The following ARHGAP10 variants were observed in gnomAD, a reference collection of about 807,000 sequenced individuals.
ARHGAP10 encodes the protein Rho GTPase activating protein 10.
ARHGAP10 carries 87 observed loss-of-function variants against 108.6 expected under a neutral mutation model. The ratio of observed to expected loss-of-function variants is 0.80; its 90% CI spans 0.67 to 0.96. The LOEUF is 0.96. ARHGAP10 is among the 40% of genes least tolerant of loss of function. The pLI, the probability that ARHGAP10 is intolerant of heterozygous loss-of-function variation, is 0.00. For synonymous variants in ARHGAP10, 347 were observed against 341.1 expected, an observed-to-expected ratio of 1.02 and a Z score of -0.19; for missense variants, 939 against 954.5, an observed-to-expected ratio of 0.98 and a Z score of 0.21.
In ARHGAP10 at chr4:148,072,216, A is replaced by T; in HGVS notation, c.*135A>T. 1.0e-4 allele frequency: 41 copies of T among 399,348 alleles called. No individual in the cohort carries two copies. Among genetic ancestry groups the T allele is most frequent in the East Asian group, 3.9e-4 (6 of 15,244 alleles). The allele number at this position is 399,348 out of a possible 1,614,324, so 24.7% of individuals were successfully genotyped here. ...CTTGGGAGTTACCATCATCACAGTC[A>T]GCCCTGGGGGTGGGGGGTGGTGGGC... is the stretch of plus-strand genomic sequence containing the variant. On this transcript the variant is annotated 3_prime_UTR_variant, in exon 23 of 23. Coordinates refer to ENST00000336498, the MANE Select transcript of ARHGAP10 (RefSeq NM_024605.4).
intron 1 of ARHGAP10, among the ~76,000 whole-genome samples, chr4:147,762,498 G>A (rs1277265516): frequency 6.2e-5 from 2 of 32,436 alleles, no homozygotes; most frequent in Admixed American, 4.3e-4. Flanking sequence ...AAAGATAATT[G>A]CTTATTTATT....
At chr4:147,848,075 G>C (rs999644114) in intron 4 of ARHGAP10, among the ~76,000 whole-genome samples, 1 of 140,196 alleles carries the variant, frequency 7.1e-6, no homozygotes, top group Middle Eastern at 3.7e-3. Flanking sequence ...TTCCCCCCAC[G>C]TGGCTGGGGA....
intron 1 of ARHGAP10, among the ~76,000 whole-genome samples, chr4:147,792,598 T>C (rs1459088606): frequency 6.6e-6 from 1 of 152,214 alleles, no homozygotes; most frequent in African/African-American, 2.4e-5. Flanking sequence ...TTATATATGC[T>C]ACCTGAGCTT....
intron 19 of ARHGAP10, among the ~76,000 whole-genome samples, chr4:148,033,045 A>G (rs1003611457): frequency 6.6e-6 from 1 of 152,178 alleles, no homozygotes; most frequent in African/African-American, 2.4e-5. Context: ...TTAACACTCA[A>G]TATTAACCAC....
intron 13 of ARHGAP10, among the ~76,000 whole-genome samples, chr4:147,939,142 G>C (rs1251384349): frequency 6.6e-6 from 1 of 152,164 alleles, no homozygotes; most frequent in East Asian, 1.9e-4. Context: ...GTTCAGATCA[G>C]AATGCAAATG....
chr4:147,904,658 T>A (rs1374592778), intron 10 of ARHGAP10, among the ~76,000 whole-genome samples: 1 of 152,238 alleles, frequency 6.6e-6, no homozygotes, highest in Non-Finnish European at 1.5e-5. Context: ...TGGTTCCAAG[T>A]CTTTGCTATT....
chr4:147,872,580 ACTACTAATCGC>A (rs1179004093), intron 7 of ARHGAP10, among the ~76,000 whole-genome samples: 4 of 152,202 alleles, frequency 2.6e-5, no homozygotes, highest in African/African-American at 9.7e-5. Context: ...CCCAAATTTG[ACTACTAATCGC>A]CTACTGTTGA....
chr4:147,971,787 A>G (rs537669445), intron 18 of ARHGAP10, among the ~76,000 whole-genome samples: 4 of 152,320 alleles, frequency 2.6e-5, no homozygotes, highest in African/African-American at 9.6e-5. Flanking sequence ...ATAGTTTTCA[A>G]GTAAACTGCT....
intron 18 of ARHGAP10, among the ~76,000 whole-genome samples, chr4:148,020,553 T>G (rs928175605): frequency 3.9e-5 from 6 of 152,044 alleles, no homozygotes; most frequent in Non-Finnish European, 8.8e-5. Context: ...TTTGTTTTTT[T>G]TTTTATTCCT....
chr4:147,782,591 A>G (rs1730582299), intron 1 of ARHGAP10: 1 of 152,038 alleles, frequency 6.6e-6, no homozygotes. Context: ...TAATCGGTTC[A>G]GTCACTGCTA....
chr4:148,003,954 G>GCCTAAGCCTAAATCA (rs1231926473), intron 18 of ARHGAP10, among the ~76,000 whole-genome samples: 1 of 151,300 alleles, frequency 6.6e-6, no homozygotes, highest in African/African-American at 2.5e-5. Context: ...ATTATGCTAA[G>GCCTAAGCCTAAATCA]AGACGTGAGA....
intron 10 of ARHGAP10, among the ~76,000 whole-genome samples, chr4:147,899,523 A>AT (rs1339203951): frequency 2.0e-5 from 3 of 152,242 alleles, no homozygotes; most frequent in East Asian, 3.9e-4. Flanking sequence ...TTCTCTGATA[A>AT]TTTTTTACAT....
chr4:148,047,390 C>T (rs1047592772), intron 20 of ARHGAP10, among the ~76,000 whole-genome samples: 1 of 152,196 alleles, frequency 6.6e-6, no homozygotes, highest in Admixed American at 6.5e-5. Flanking sequence ...TGTGAGAATG[C>T]ATGCTGATGG....
chr4:147,951,028 A>G (rs1213235354), intron 15 of ARHGAP10, among the ~76,000 whole-genome samples: 5 of 152,116 alleles, frequency 3.3e-5, no homozygotes, highest in Non-Finnish European at 7.4e-5. Context: ...GGAGGCTGAG[A>G]GTTGCAGTGA....
intron 18 of ARHGAP10, among the ~76,000 whole-genome samples, chr4:148,021,814 A>G (rs1340166582): frequency 1.3e-5 from 2 of 152,218 alleles, no homozygotes; most frequent in South Asian, 2.1e-4. Context: ...TTGTGGAAAC[A>G]TGGTGTTGGC....
At chr4:147,758,255 C>A (rs1189838658) in intron 1 of ARHGAP10, among the ~76,000 whole-genome samples, 70 of 145,628 alleles carry the variant, frequency 4.8e-4, no homozygotes, top group Non-Finnish European at 9.3e-4. Flanking sequence ...AAGAGCGAAA[C>A]TTCATCTCAA....
At chr4:147,970,221 G>T (rs1408807531) in intron 18 of ARHGAP10, among the ~76,000 whole-genome samples, 7 of 152,134 alleles carry the variant, frequency 4.6e-5, no homozygotes, top group Non-Finnish European at 5.9e-5. Context: ...ATATGGATGC[G>T]TGGATCTATG....
chr4:147,999,149 G>A (rs987976961), intron 18 of ARHGAP10, among the ~76,000 whole-genome samples: 2 of 152,156 alleles, frequency 1.3e-5, no homozygotes, highest in African/African-American at 2.4e-5. Context: ...CTGTAAACAC[G>A]GGGCTTGCAA....
intron 3 of ARHGAP10, among the ~76,000 whole-genome samples, chr4:147,835,196 G>A (rs17023950): frequency 0.03 from 4,560 of 152,184 alleles, 223 homozygotes; most frequent in African/African-American, 0.1. Context: ...TCAGCTAGTG[G>A]CCGCCTGGTA....
Sources: allele counts gnomAD v4.1 joint callset (sites outside exome capture counted in the v4.1 genomes callset), GRCh38; gene constraint gnomAD v4.1.1; transcripts MANE v1.5; gene names NCBI Gene and HGNC (gene_info 2026-07-23, HGNC 2026-07-21).